NEGR1: variants seen among roughly 807,000 people sequenced by gnomAD.
The protein encoded by NEGR1 is IgLON family member 4.
In NEGR1, 10 loss-of-function variants were observed where a neutral mutation model predicts 40.9. That is an observed-to-expected ratio of 0.24 (90% CI 0.15 to 0.42). The LOEUF (loss-of-function observed/expected upper bound fraction) is 0.42, where lower values mean the gene tolerates loss of function less well. NEGR1 is among the 10% of genes least tolerant of loss of function. NEGR1 has a pLI of 1.00. For synonymous variants in NEGR1, 185 were observed against 166.8 expected, an observed-to-expected ratio of 1.11 and a Z score of -0.84; for missense variants, 352 against 438.9, an observed-to-expected ratio of 0.80 and a Z score of 1.77.
At chr1:72,126,577 G>A (rs1363111173) in intron 1 of NEGR1, among the ~76,000 whole-genome samples, 1 of 152,084 alleles carries the variant, frequency 6.6e-6, no homozygotes, top group Non-Finnish European at 1.5e-5. Context: ...CTAAGGCTTT[G>A]GGACAGTTTT....
intron 1 of NEGR1, among the ~76,000 whole-genome samples, chr1:71,986,721 A>G (rs1646397937): frequency 6.6e-6 from 1 of 152,200 alleles, no homozygotes; most frequent in South Asian, 2.1e-4. Flanking sequence ...TTTCCCTGAT[A>G]TCCTGACCAG....
chr1:72,178,740 C>T (rs1323136158), intron 1 of NEGR1, among the ~76,000 whole-genome samples: 3 of 151,414 alleles, frequency 2.0e-5, no homozygotes, highest in African/African-American at 7.3e-5. Context: ...TAATAGTAGC[C>T]TTTCTGACTG....
At chr1:71,771,988 T>C (rs1432986230) in intron 3 of NEGR1, among the ~76,000 whole-genome samples, 2 of 152,008 alleles carry the variant, frequency 1.3e-5, no homozygotes, top group African/African-American at 2.4e-5. Context: ...TGTTTATTGG[T>C]AGCATAGGGA....
At chr1:71,704,163 T>TCTCA (rs1653806582) in intron 3 of NEGR1, among the ~76,000 whole-genome samples, 3 of 142,122 alleles carry the variant, frequency 2.1e-5, no homozygotes, top group Non-Finnish European at 3.1e-5. Flanking sequence ...TCTCTCTCTG[T>TCTCA]CACACACACA....
chr1:71,504,685 C>T (rs906099989), intron 6 of NEGR1, among the ~76,000 whole-genome samples: 1 of 152,132 alleles, frequency 6.6e-6, no homozygotes, highest in Non-Finnish European at 1.5e-5. Context: ...GCTTGCTCCT[C>T]TCTAATTCAC....
chr1:71,607,698 A>AT (rs1557585225), intron 5 of NEGR1, among the ~76,000 whole-genome samples: 1 of 151,828 alleles, frequency 6.6e-6, no homozygotes, highest in South Asian at 2.1e-4. Flanking sequence ...TTATTTTTTC[A>AT]TTTTTTATTT....
chr1:71,686,973 C>T (rs758230126), intron 4 of NEGR1, among the ~76,000 whole-genome samples: 1 of 152,164 alleles, frequency 6.6e-6, no homozygotes, highest in Non-Finnish European at 1.5e-5. Context: ...TACTGATATA[C>T]TTCCCTCCAT....
intron 6 of NEGR1, among the ~76,000 whole-genome samples, chr1:71,412,970 T>C (rs1171106268): frequency 6.6e-6 from 1 of 152,212 alleles, no homozygotes; most frequent in African/African-American, 2.4e-5. Flanking sequence ...CTGTCATTCT[T>C]TCTAGTTCTT....
intron 2 of NEGR1, among the ~76,000 whole-genome samples, chr1:71,830,635 G>GA (rs1376984611): frequency 6.6e-6 from 1 of 151,652 alleles, no homozygotes; most frequent in East Asian, 1.9e-4. Context: ...AAGAGTCAAA[G>GA]AAAAAAACAG....
chr1:71,546,071 G>A (rs1184883452), intron 6 of NEGR1, among the ~76,000 whole-genome samples: 1 of 151,678 alleles, frequency 6.6e-6, no homozygotes, highest in African/African-American at 2.4e-5. Flanking sequence ...TAATATTTAG[G>A]ATTTTTGTTT....
chr1:71,680,371 CCATTT>C (rs1419119983), intron 4 of NEGR1, among the ~76,000 whole-genome samples: 3 of 152,004 alleles, frequency 2.0e-5, no homozygotes, highest in Non-Finnish European at 4.4e-5. Context: ...TTTTTCCATT[CCATTT>C]CAATTTCCCA....
intron 1 of NEGR1, among the ~76,000 whole-genome samples, chr1:72,133,123 C>A (rs1289384804): frequency 5.9e-5 from 9 of 152,050 alleles, no homozygotes. Flanking sequence ...ACCACTGTTA[C>A]TAATCAATCT....
intron 1 of NEGR1, among the ~76,000 whole-genome samples, chr1:72,159,696 TA>T (rs1237982633): frequency 6.6e-6 from 1 of 152,160 alleles, no homozygotes; most frequent in African/African-American, 2.4e-5. Context: ...TTTATTTGAA[TA>T]TAATTTACTT....
chr1:71,717,017 G>C (rs1654301022), intron 3 of NEGR1, among the ~76,000 whole-genome samples: 1 of 152,166 alleles, frequency 6.6e-6, no homozygotes, highest in Non-Finnish European at 1.5e-5. Flanking sequence ...GCCTGCAAAA[G>C]TACCGGCTGT....
At chr1:71,536,715 A>G (rs1647526387) in intron 6 of NEGR1, among the ~76,000 whole-genome samples, 1 of 151,808 alleles carries the variant, frequency 6.6e-6, no homozygotes, top group Non-Finnish European at 1.5e-5. Flanking sequence ...GTATAAATTT[A>G]TAGATCAAGA....
chr1:71,791,147 A>G (rs915497815), intron 2 of NEGR1, among the ~76,000 whole-genome samples: 5 of 152,084 alleles, frequency 3.3e-5, no homozygotes, highest in African/African-American at 1.2e-4. Flanking sequence ...CTGACAAACA[A>G]TGTCAATATC....
chr1:72,117,920 G>A (rs1052360063), intron 1 of NEGR1, among the ~76,000 whole-genome samples: 20 of 151,756 alleles, frequency 1.3e-4, no homozygotes, highest in African/African-American at 4.6e-4. Context: ...TCTGTGATTA[G>A]AGAGGACTAT....
intron 4 of NEGR1, among the ~76,000 whole-genome samples, chr1:71,633,580 G>A (rs1369711940): frequency 1.3e-5 from 2 of 152,014 alleles, no homozygotes; most frequent in Non-Finnish European, 2.9e-5. Flanking sequence ...ATGGAAACTG[G>A]GGAGAAATGT....
chr1:72,060,553 A>G (rs758091394), intron 1 of NEGR1, among the ~76,000 whole-genome samples: 4 of 151,628 alleles, frequency 2.6e-5, no homozygotes, highest in African/African-American at 9.7e-5. Flanking sequence ...TTTAAGGCCA[A>G]TTTTAATAAC....
Sources: allele counts gnomAD v4.1 joint callset (sites outside exome capture counted in the v4.1 genomes callset), GRCh38; gene constraint gnomAD v4.1.1; transcripts MANE v1.5; gene names NCBI Gene and HGNC (gene_info 2026-07-23, HGNC 2026-07-21).